SH3BP4: variants seen among roughly 807,000 people sequenced by gnomAD.
The protein encoded by SH3BP4 is SH3 domain-binding protein 4.
A neutral mutation model predicts 65.5 loss-of-function variants in SH3BP4; 33 were observed. The ratio of observed to expected loss-of-function variants is 0.50; its 90% CI spans 0.38 to 0.67. The LOEUF (loss-of-function observed/expected upper bound fraction) is 0.67, where lower values mean the gene tolerates loss of function less well. Among genes scored for constraint, SH3BP4 ranks in the 30% least tolerant of loss-of-function variants. The pLI, the probability that SH3BP4 is intolerant of heterozygous loss-of-function variation, is 0.00. For missense variants in SH3BP4, 1,134 were observed against 1,261.4 expected, an observed-to-expected ratio of 0.90 and a Z score of 1.53; for synonymous variants, 552 against 545.5, an observed-to-expected ratio of 1.01 and a Z score of -0.17.
rs961932678 is a variant in SH3BP4, at chr2:234,974,895, C to T, written c.-206-20408C>T. On this transcript the variant is annotated intron_variant, in intron 1 of 5. Transcript: ENST00000392011. The surrounding 1 kb of genome is among the most constrained non-coding windows in gnomAD (Gnocchi z 4.6). ...TCACCCTGGCACGCCCTGCCTGCCC[C>T]GTTACGTGGCGATTTGTGATGGGGA... 3.0e-4 allele frequency among the ~76,000 whole-genome samples: 46 copies of T among 152,242 alleles called. No individual in the cohort carries two copies. The highest frequency in any genetic ancestry group is 2.9e-3 in the Admixed American group (45 of 15,298).
At chr2:234,953,835 C>T (rs537502076) in intron 1 of SH3BP4, among the ~76,000 whole-genome samples, 6 of 152,124 alleles carry the variant, frequency 3.9e-5, no homozygotes, top group African/African-American at 1.4e-4. Flanking sequence ...GCTCAGTGCC[C>T]TCGGGACTCG....
At chr2:235,017,929 A>G (rs181862155) in intron 2 of SH3BP4, among the ~76,000 whole-genome samples, 1 of 152,312 alleles carries the variant, frequency 6.6e-6, no homozygotes, top group East Asian at 1.9e-4. Flanking sequence ...CTGGAGCAGA[A>G]AGCACTGTAG....
intron 1 of SH3BP4, among the ~76,000 whole-genome samples, chr2:234,986,516 C>A (rs898639049): frequency 6.6e-6 from 1 of 152,234 alleles, no homozygotes; most frequent in Admixed American, 6.5e-5. Flanking sequence ...TGGAATCTTA[C>A]ACCCTCACTT....
At chr2:235,021,697 A>G (rs534912823) in intron 2 of SH3BP4, among the ~76,000 whole-genome samples, 1 of 152,300 alleles carries the variant, frequency 6.6e-6, no homozygotes, top group South Asian at 2.1e-4. Flanking sequence ...GGGACTTTGA[A>G]ATAGAATAGT....
Position 234,970,045 on chromosome 2 carries a change from ACT to A in SH3BP4, c.-207+17877_-207+17878del, listed in dbSNP as rs1198594417. Among the ~76,000 whole-genome samples the A allele has an allele frequency of 1.5e-4, 20 of 133,284 alleles. No homozygotes were observed. In the East Asian group the frequency reaches 2.4e-3, roughly 16 times the overall value. 87.4% of individuals were successfully genotyped at this position (133,284 alleles called of 152,430 possible). On this transcript the variant is annotated intron_variant, in intron 1 of 5. Coordinates refer to ENST00000392011, the MANE Select transcript of SH3BP4 (RefSeq NM_014521.3). ...CTGTCACACACTCACAAATACACTTACTCACACACACTCATACACACACTCAC... is the reference window on the plus strand; with the variant it reads ...CTGTCACACACTCACAAATACACTTACACACACACTCATACACACACTCAC...
chr2:235,010,318 G>A (rs781757350), intron 2 of SH3BP4, among the ~76,000 whole-genome samples: 1 of 152,146 alleles, frequency 6.6e-6, no homozygotes, highest in African/African-American at 2.4e-5. Context: ...CTGACCTCCC[G>A]TGCTGGGCCC....
At chr2:234,953,098 C>T (rs193011057) in intron 1 of SH3BP4, 2 of 152,372 alleles carry the variant, frequency 1.3e-5, no homozygotes, top group African/African-American at 4.8e-5. Flanking sequence ...GAACACTGTG[C>T]GAGATTGTAT....
chr2:235,025,604 A>G (rs896191391), intron 2 of SH3BP4, among the ~76,000 whole-genome samples: 1 of 152,244 alleles, frequency 6.6e-6, no homozygotes, highest in African/African-American at 2.4e-5. Context: ...CACTGCGCTC[A>G]ATGCTGGAAA....
rs8691 is a variant in SH3BP4 at position 235,055,633 on chromosome 2, T to C, written c.*1817T>C. On this transcript the variant is annotated 3_prime_UTR_variant, in exon 6 of 6. Coordinates refer to ENST00000392011, the MANE Select transcript of SH3BP4 (RefSeq NM_014521.3). ...ATTCTACAAAAGTTGCAGTAAATTT[T>C]ATTTGGATATTTTAACCTGTTAAGT... is the stretch of plus-strand genomic sequence containing the variant. 19,629 of 152,706 alleles carry C rather than the reference T, an allele frequency of 0.13. 1,404 individuals carry two copies. Among genetic ancestry groups the C allele is most frequent in the African/African-American group, 0.19 (7,883 of 41,520 alleles). 9.5% of individuals were successfully genotyped at this position (152,706 alleles called of 1,614,324 possible).
rs1398805211 is a variant in SH3BP4 at position 235,053,727 on chromosome 2, C to T, written c.2803C>T (p.Leu935Phe). Reference protein sequence around the residue: ...KNPITKRWKHLTGTLILVNSL... With the variant: ...KNPITKRWKHFTGTLILVNSL... ...CCCCATCACCAAGCGCTGGAAGCAC[C>T]TCACTGGGACTCTGATCTTGGTGAA... The change falls in exon 6 of 6, where the codon CTC becomes TTC. Residue 935 changes from leucine to phenylalanine, a missense_variant. By Grantham distance (22) the Leu-to-Phe change is conservative. Transcript: ENST00000392011. The T allele has an allele frequency of 6.2e-7, 1 of 1,614,224 alleles. No individual in the cohort carries two copies.
intron 2 of SH3BP4, among the ~76,000 whole-genome samples, chr2:235,032,843 G>A (rs555171838): frequency 9.2e-5 from 14 of 152,266 alleles, no homozygotes; most frequent in South Asian, 2.1e-4. Flanking sequence ...CAGGGCGTCC[G>A]GGGTTCTCCC....
chr2:235,036,482 G>A (rs1364895592), intron 3 of SH3BP4, among the ~76,000 whole-genome samples: 3 of 152,080 alleles, frequency 2.0e-5, no homozygotes, highest in African/African-American at 7.2e-5. Context: ...TGGGCTGGGC[G>A]CGGTGGCTCA....
chr2:235,037,318 C>G (rs1046326099), intron 3 of SH3BP4, among the ~76,000 whole-genome samples: 2 of 152,054 alleles, frequency 1.3e-5, no homozygotes, highest in African/African-American at 4.8e-5. Flanking sequence ...GATGGAGGGC[C>G]TCATCTAGAA....
At chr2:234,955,716 G>T (rs537072859) in intron 1 of SH3BP4, among the ~76,000 whole-genome samples, 2 of 152,264 alleles carry the variant, frequency 1.3e-5, no homozygotes, top group Non-Finnish European at 2.9e-5. Flanking sequence ...TAGAATTGCT[G>T]TATGGAATTC....
At position 235,035,753 on chromosome 2, in the gene SH3BP4, C is replaced by T. The variant is rs1255073926; in HGVS notation, c.118+633C>T. Among the ~76,000 whole-genome samples, 5 of 152,188 alleles carry T rather than the reference C, an allele frequency of 3.3e-5. No homozygotes were observed. The highest frequency in any genetic ancestry group is 4.8e-5 in the African/African-American group (2 of 41,436). On this transcript the variant is annotated intron_variant, in intron 3 of 5. Transcript: ENST00000392011. The surrounding 1 kb of genome is among the most constrained non-coding windows in gnomAD (Gnocchi z 5.0). ...CTGGGTCTCTGGGTTTCTCCAGTGG[C>T]CTCGTAAAATTGAGTTCATGAGAAA...
chr2:235,003,020 A>G (rs1694180084), intron 2 of SH3BP4, among the ~76,000 whole-genome samples: 1 of 152,270 alleles, frequency 6.6e-6, no homozygotes, highest in Middle Eastern at 3.2e-3. Context: ...CCATCTGCCC[A>G]GGCATAGATG....
intron 2 of SH3BP4, among the ~76,000 whole-genome samples, chr2:235,008,773 C>A (rs911094679): frequency 6.6e-6 from 1 of 152,226 alleles, no homozygotes; most frequent in Non-Finnish European, 1.5e-5. Flanking sequence ...TCTATTTTAT[C>A]TCCACCTGGT....
At chr2:234,987,761 A>G (rs1205084933) in intron 1 of SH3BP4, among the ~76,000 whole-genome samples, 1 of 152,210 alleles carries the variant, frequency 6.6e-6, no homozygotes, top group Non-Finnish European at 1.5e-5. Context: ...AGATCTTGTG[A>G]GGCTCCAGAA....
chr2:235,022,385 C>T (rs1223864089), intron 2 of SH3BP4, among the ~76,000 whole-genome samples: 1 of 152,108 alleles, frequency 6.6e-6, no homozygotes, highest in Non-Finnish European at 1.5e-5. Flanking sequence ...GAAAACCCGT[C>T]TCTAATAAAA....
Sources: allele counts gnomAD v4.1 joint callset (sites outside exome capture counted in the v4.1 genomes callset), GRCh38; gene constraint gnomAD v4.1.1; non-coding constraint Gnocchi (gnomAD v3.1); transcripts MANE v1.5; gene names NCBI Gene and HGNC (gene_info 2026-07-23, HGNC 2026-07-21).